The following C2orf69 variants were observed in gnomAD, a reference collection of about 807,000 sequenced individuals.
The protein encoded by C2orf69 is chromosome 2 open reading frame 69.
A neutral mutation model predicts 29.5 loss-of-function variants in C2orf69; 19 were observed. The ratio of observed to expected loss-of-function variants is 0.65; its 90% CI spans 0.45 to 0.95. C2orf69 has a LOEUF of 0.95. Ranked by LOEUF, C2orf69 falls within the 40% of genes least tolerant of loss-of-function variation. The pLI, the probability that C2orf69 is intolerant of heterozygous loss-of-function variation, is 0.00. For missense variants in C2orf69, 416 were observed against 482.1 expected (o/e 0.86, Z 1.28); for synonymous variants, 194 against 180.0 (o/e 1.08, Z -0.62).
chr2:199,923,209 A>T (rs1262743517), intron 1 of C2orf69, among the ~76,000 whole-genome samples: 5 of 152,160 alleles, frequency 3.3e-5, no homozygotes, highest in Admixed American at 3.3e-4. Context: ...TCCACCTTGT[A>T]TTCCTTTTCT....
In C2orf69 at chr2:199,927,661, TAAATC is replaced by T. The variant is rs2077341106; in HGVS notation, c.*1777_*1781del. ...AGACCAAAAATTCCCATCAAGGAAA[TAAATC>T]AGCCTGATTTTAACATTTTACATAT... On this transcript the variant is annotated 3_prime_UTR_variant, in exon 2 of 2. Transcript: ENST00000319974. 2 of 151,282 alleles carry T rather than the reference TAAATC, an allele frequency of 1.3e-5. No individual in the cohort carries two copies. The highest frequency in any genetic ancestry group is 4.9e-5 in the African/African-American group (2 of 41,184). 9.4% of individuals were successfully genotyped at this position (151,282 alleles called of 1,614,324 possible).
At position 199,911,452 on chromosome 2, in the gene C2orf69, G is replaced by A; in HGVS notation, c.14G>A (p.Arg5Lys). The change falls in exon 1 of 2, where the codon AGG becomes AAG. Residue 5 changes from arginine to lysine, a missense_variant. Physicochemically the swap from Arg to Lys is conservative, Grantham distance 26 (BLOSUM62 2). This residue lies in a region of C2orf69 where 175 missense variants were observed against 139.9 expected (regional missense o/e 1.25). Transcript: ENST00000319974. MWGF[R>K]LLRSPPLLLL... Reference sequence around the variant, plus strand: ...CGGCGGCGACCCATGTGGGGGTTCAGGCTCCTGCGGTCGCCGCCGTTGCTG... The same window carrying A: ...CGGCGGCGACCCATGTGGGGGTTCAAGCTCCTGCGGTCGCCGCCGTTGCTG... 2 of 1,542,106 alleles carry A rather than the reference G, an allele frequency of 1.3e-6. No individual in the cohort carries two copies. Among genetic ancestry groups the A allele is most frequent in the Non-Finnish European group, 1.7e-6 (2 of 1,143,048 alleles).
chr2:199,925,823 A>G lies in C2orf69; in HGVS notation c.1095A>G (p.Gln365=), dbSNP rs759214629. The change falls in exon 2 of 2, where the codon CAA becomes CAG. Residue 365 remains glutamine, a synonymous_variant. Coordinates refer to ENST00000319974, the MANE Select transcript of C2orf69 (RefSeq NM_153689.6). The surrounding 1 kb of genome is among the most constrained non-coding windows in gnomAD (Gnocchi z 4.9). ...LGDLGMQVTS[Q]IHFTKEAPSI... is the part of the protein sequence containing the mutation. ...ATCTTGGTATGCAGGTGACTAGCCA[A>G]ATTCATTTTACAAAGGAAGCTCCTT... 67 of 1,613,732 alleles carry G rather than the reference A, an allele frequency of 4.2e-5. No individual in the cohort carries two copies. In the Admixed American group the frequency reaches 1.1e-3, roughly 27 times the overall value.
intron 1 of C2orf69, among the ~76,000 whole-genome samples, 161 bp downstream of exon 1, chr2:199,911,932 C>T (rs139155183): frequency 1.3e-5 from 2 of 152,308 alleles, no homozygotes; most frequent in East Asian, 3.9e-4. Flanking sequence ...AATCCAAAAC[C>T]GTGCCTTCCA....
chr2:199,915,423 T>C (rs1164277552), intron 1 of C2orf69, among the ~76,000 whole-genome samples: 1 of 152,172 alleles, frequency 6.6e-6, no homozygotes, highest in Non-Finnish European at 1.5e-5. Context: ...ATTCTTGTTA[T>C]AGCTTTATTC....
intron 1 of C2orf69, among the ~76,000 whole-genome samples, chr2:199,923,741 A>G (rs1204082776): frequency 6.6e-6 from 1 of 152,262 alleles, no homozygotes; most frequent in East Asian, 1.9e-4. Context: ...AGAAATGATT[A>G]AAATTAGTTT....
rs2077342429 is a variant in C2orf69, at chr2:199,928,009, CA to C, written c.*2124del. 1 of 152,356 alleles carries C rather than the reference CA, an allele frequency of 6.6e-6. No homozygotes were observed. Among genetic ancestry groups the C allele is most frequent in the Admixed American group, 6.6e-5 (1 of 15,258 alleles). 9.4% of individuals were successfully genotyped at this position (152,356 alleles called of 1,614,324 possible). A position where few individuals can be genotyped will look rare whatever the true frequency, so the allele number is the denominator to read the frequency against. Reference sequence around the variant, plus strand: ...GTCACCAGGTACACAAAACTGCCATCATAGCAAAATGAGACAGTGTTGAAAA... The same window carrying C: ...GTCACCAGGTACACAAAACTGCCATCTAGCAAAATGAGACAGTGTTGAAAA... On this transcript the variant is annotated 3_prime_UTR_variant, in exon 2 of 2. Transcript: ENST00000319974.
chr2:199,914,898 T>C (rs1303933425), intron 1 of C2orf69, among the ~76,000 whole-genome samples: 1 of 152,238 alleles, frequency 6.6e-6, no homozygotes, highest in Non-Finnish European at 1.5e-5. Context: ...AGGCTTCCTA[T>C]CAACTTTTCT....
rs781516621 is a variant in C2orf69 at position 199,911,720 on chromosome 2, G to A, written c.282G>A (p.Glu94=). Residue 94 remains glutamate, a synonymous_variant, in exon 1 of 2, where the codon GAG becomes GAA. Transcript: ENST00000319974. Reference sequence around the variant, plus strand: ...TCCCCGGGGACCCAGCGAAGGAGGAGCCGCAGCCGCCGCCCCAGCATCACG... The same window carrying A: ...TCCCCGGGGACCCAGCGAAGGAGGAACCGCAGCCGCCGCCCCAGCATCACG... The part of the protein sequence containing the change: ...QDLPGDPAKE[E]PQPPPQHHVL... The A allele has an allele frequency of 1.9e-5, 30 of 1,542,880 alleles. No individual in the cohort carries two copies. Among genetic ancestry groups the A allele is most frequent in the Non-Finnish European group, 2.4e-5 (27 of 1,146,940 alleles).
intron 1 of C2orf69, among the ~76,000 whole-genome samples, chr2:199,922,973 C>T (rs1038603726): frequency 1.3e-5 from 2 of 152,174 alleles, no homozygotes; most frequent in African/African-American, 4.8e-5. Context: ...CTCTCTGCCC[C>T]CCTTTGTGAT....
intron 1 of C2orf69, among the ~76,000 whole-genome samples, chr2:199,917,419 G>A (rs1052392632): frequency 3.3e-5 from 5 of 152,062 alleles, no homozygotes; most frequent in African/African-American, 9.7e-5. Flanking sequence ...AGCATCGTCA[G>A]GTTGCAAATT....
chr2:199,911,877 C>T, intron 1 of C2orf69, 106 bp downstream of exon 1: 2 of 1,446,914 alleles, frequency 1.4e-6, no homozygotes, highest in Non-Finnish European at 1.9e-6. Context: ...CTTGCCTGAA[C>T]ACACCCACAC....
At chr2:199,919,093 C>T (rs2077304191) in intron 1 of C2orf69, among the ~76,000 whole-genome samples, 1 of 152,096 alleles carries the variant, frequency 6.6e-6, no homozygotes, top group South Asian at 2.1e-4. Context: ...CTGGGACTTA[C>T]AGGCATGCAC....
In C2orf69 at chr2:199,911,305, C is replaced by A; in HGVS notation, c.-134C>A. The A allele has an allele frequency of 9.1e-7, 1 of 1,095,666 alleles. No homozygotes were observed. The highest frequency in any genetic ancestry group is 1.2e-6 in the Non-Finnish European group (1 of 825,984). The allele number at this position is 1,095,666 out of a possible 1,614,324, so 67.9% of individuals were successfully genotyped here. A position where few individuals can be genotyped will look rare whatever the true frequency, so the allele number is the denominator to read the frequency against. Reference sequence around the variant, plus strand: ...CGCGGACGTCGGCCTCTGACGTCGTCGCCTCAGCGCCGGCTCCCGGCCGGG... The same window carrying A: ...CGCGGACGTCGGCCTCTGACGTCGTAGCCTCAGCGCCGGCTCCCGGCCGGG... On this transcript the variant is annotated 5_prime_UTR_variant, in exon 1 of 2. Coordinates refer to ENST00000319974, the MANE Select transcript of C2orf69 (RefSeq NM_153689.6).
chr2:199,920,149 T>C (rs575127625), intron 1 of C2orf69, among the ~76,000 whole-genome samples: 1 of 152,312 alleles, frequency 6.6e-6, no homozygotes, highest in East Asian at 1.9e-4. Flanking sequence ...GAAATCTCTC[T>C]CTTTCCTTAG....
At chr2:199,922,313 G>A (rs79284723) in intron 1 of C2orf69, among the ~76,000 whole-genome samples, 6,549 of 151,760 alleles carry the variant, frequency 0.043, 222 homozygotes, top group East Asian at 0.17. Flanking sequence ...TGTTGCTCAC[G>A]CTGGTCTCAA....
At position 199,911,545 on chromosome 2, in the gene C2orf69, G is replaced by C. The variant is rs540650009; in HGVS notation, c.107G>C (p.Gly36Ala). ...TCTCAGGCCAGAACCATGAACCCGG[G>C]CGGCAGCGGCGGCGCGCGATGCTCC... ...SCSQARTMNP[G>A]GSGGARCSLS... The change falls in exon 1 of 2, where the codon GGC (glycine) becomes GCC (alanine). Residue 36 changes from glycine (G) to alanine (A), a missense_variant. Physicochemically the swap from Gly to Ala is moderately conservative, Grantham distance 60. Transcript: ENST00000319974. 38 of 1,549,722 alleles carry C rather than the reference G, an allele frequency of 2.5e-5. No individual in the cohort carries two copies. In the South Asian group the frequency reaches 3.3e-4, roughly 14 times the overall value.
chr2:199,923,180 CTGTGT>C (rs1478722498), intron 1 of C2orf69, among the ~76,000 whole-genome samples: 1 of 152,202 alleles, frequency 6.6e-6, no homozygotes, highest in Non-Finnish European at 1.5e-5. Context: ...CCTGACCATT[CTGTGT>C]TAAGTAATAA....
chr2:199,916,670 A>C (rs577377717), intron 1 of C2orf69, among the ~76,000 whole-genome samples: 109 of 152,338 alleles, frequency 7.2e-4, no homozygotes, highest in Non-Finnish European at 1.3e-3. Flanking sequence ...CAGGTCCGAA[A>C]TCCAATAGGA....
Sources: allele counts gnomAD v4.1 joint callset (sites outside exome capture counted in the v4.1 genomes callset), GRCh38; gene constraint gnomAD v4.1.1; regional missense constraint gnomAD v4.1.1; non-coding constraint Gnocchi (gnomAD v3.1); transcripts MANE v1.5; gene names NCBI Gene and HGNC (gene_info 2026-07-23, HGNC 2026-07-21).